Variants in ULK4 observed in about 807,000 individuals in gnomAD.
ULK4 encodes the protein unc-51 like kinase 4.
A neutral mutation model predicts 160.6 loss-of-function variants in ULK4; 133 were observed. The observed-to-expected ratio is 0.83, with a 90% CI of 0.72 to 0.96. The LOEUF is 0.96. ULK4 is among the 40% of genes least tolerant of loss of function. The pLI is 0.00. For missense variants in ULK4, 1,580 were observed against 1,499.5 expected (o/e 1.05, Z -0.89); for synonymous variants, 534 against 539.8 (o/e 0.99, Z 0.15).
At chr3:41,527,220 C>T (rs1434341153) in intron 32 of ULK4, among the ~76,000 whole-genome samples, 2 of 152,246 alleles carry the variant, frequency 1.3e-5, no homozygotes, top group Non-Finnish European at 2.9e-5. Context: ...CTCGTTTCTC[C>T]TTCACACCTC....
chr3:41,487,492 G>C (rs1293435247), intron 32 of ULK4, among the ~76,000 whole-genome samples: 1 of 152,094 alleles, frequency 6.6e-6, no homozygotes, highest in Non-Finnish European at 1.5e-5. Context: ...TCCAATACAG[G>C]AATTAAGAGC....
At chr3:41,647,066 G>A (rs1413584916) in intron 30 of ULK4, among the ~76,000 whole-genome samples, 3 of 152,244 alleles carry the variant, frequency 2.0e-5, no homozygotes, top group South Asian at 4.1e-4. Context: ...GCACTTCTCT[G>A]TATTGGTTAT....
chr3:41,496,419 C>T (rs1002485953), intron 32 of ULK4, among the ~76,000 whole-genome samples: 2 of 152,002 alleles, frequency 1.3e-5, no homozygotes, highest in Non-Finnish European at 2.9e-5. Flanking sequence ...AAAACACATA[C>T]AATGAATGAG....
intron 25 of ULK4, among the ~76,000 whole-genome samples, chr3:41,713,775 C>T (rs754428488): frequency 2.6e-5 from 4 of 152,174 alleles, no homozygotes; most frequent in Non-Finnish European, 4.4e-5. Context: ...TCTCTGAACA[C>T]AGAATTACAA....
intron 21 of ULK4, among the ~76,000 whole-genome samples, chr3:41,773,211 TTCTGGCCAGGGCAATCA>T (rs2039467349): frequency 6.6e-6 from 1 of 152,138 alleles, no homozygotes; most frequent in African/African-American, 2.4e-5. Context: ...GTGTTGGAAG[TTCTGGCCAGGGCAATCA>T]GGCAGGAGAA....
At chr3:41,619,664 G>T (rs1035065348) in intron 30 of ULK4, among the ~76,000 whole-genome samples, 3 of 151,724 alleles carry the variant, frequency 2.0e-5, no homozygotes, top group African/African-American at 7.3e-5. Context: ...GAAAAAAACG[G>T]GAAAGATCTA....
At chr3:41,561,825 T>C (rs577037309) in intron 32 of ULK4, among the ~76,000 whole-genome samples, 11 of 152,196 alleles carry the variant, frequency 7.2e-5, no homozygotes, top group Non-Finnish European at 1.5e-4. Flanking sequence ...CTGGATTCAC[T>C]GATTTTTTGA....
intron 32 of ULK4, among the ~76,000 whole-genome samples, chr3:41,563,236 T>A (rs9873030): frequency 0.016 from 2,451 of 152,290 alleles, 68 homozygotes; most frequent in African/African-American, 0.056. Flanking sequence ...CTGCTGTTAG[T>A]CTTTGGGCTT....
chr3:41,537,365 T>C (rs1400620069), intron 32 of ULK4, among the ~76,000 whole-genome samples: 1 of 152,224 alleles, frequency 6.6e-6, no homozygotes, highest in Non-Finnish European at 1.5e-5. Flanking sequence ...GGTGTAATCC[T>C]CTCAGACTTT....
At chr3:41,483,689 C>A (rs2084406948) in intron 32 of ULK4, among the ~76,000 whole-genome samples, 1 of 152,186 alleles carries the variant, frequency 6.6e-6, no homozygotes, top group African/African-American at 2.4e-5. Context: ...ATCCTAATCC[C>A]TGGACCCTGT....
At chr3:41,831,698 T>C (rs1427776298) in intron 18 of ULK4, among the ~76,000 whole-genome samples, 1 of 151,306 alleles carries the variant, frequency 6.6e-6, no homozygotes, top group Non-Finnish European at 1.5e-5. Flanking sequence ...CTCCCTCCCC[T>C]TGCTCCCCAT....
chr3:41,696,398 G>A (rs2036502504), intron 27 of ULK4, among the ~76,000 whole-genome samples: 1 of 152,200 alleles, frequency 6.6e-6, no homozygotes, highest in Admixed American at 6.5e-5. Context: ...TTGGCTGCCA[G>A]GCAGGGAAGG....
intron 35 of ULK4, among the ~76,000 whole-genome samples, chr3:41,306,308 C>A (rs2079931496): frequency 8.2e-6 from 1 of 122,512 alleles, no homozygotes; most frequent in Non-Finnish European, 1.6e-5. Flanking sequence ...AAGTGAGGAG[C>A]CCCTCTGCCC....
intron 34 of ULK4, among the ~76,000 whole-genome samples, chr3:41,423,873 G>A (rs2082717086): frequency 6.6e-6 from 1 of 152,192 alleles, no homozygotes; most frequent in South Asian, 2.1e-4. Flanking sequence ...GCGACCCACA[G>A]ATCAAGAGAT....
At chr3:41,580,901 G>T (rs1340603463) in intron 31 of ULK4, among the ~76,000 whole-genome samples, 3 of 152,168 alleles carry the variant, frequency 2.0e-5, no homozygotes, top group African/African-American at 4.8e-5. Flanking sequence ...TCCCAGGAAA[G>T]ACCACACAGG....
chr3:41,951,247 A>T (rs1198930921), intron 2 of ULK4, among the ~76,000 whole-genome samples: 2 of 152,000 alleles, frequency 1.3e-5, no homozygotes, highest in African/African-American at 4.8e-5. Context: ...ACATTCAAAT[A>T]CTACCCAAAA....
chr3:41,541,723 C>T lies in ULK4; in HGVS notation c.3226+24302G>A, dbSNP rs375958133. On this transcript the variant is annotated intron_variant, in intron 32 of 36. Transcript: ENST00000301831. ...CCACCTTGAGCAGTGGTTTGTAGTT[C>T]TCCTTGAAGAGGACCTTCACATCCC... Among the ~76,000 whole-genome samples, 167 of 152,228 alleles carry T rather than the reference C, an allele frequency of 1.1e-3. 1 individual carries two copies. The highest frequency in any genetic ancestry group is 3.2e-3 in the African/African-American group (131 of 41,538).
intron 19 of ULK4, among the ~76,000 whole-genome samples, chr3:41,809,754 T>C (rs538443874): frequency 6.6e-6 from 1 of 152,324 alleles, no homozygotes; most frequent in South Asian, 2.1e-4. Flanking sequence ...ATATATGCAG[T>C]GTTTTGCCCT....
intron 32 of ULK4, among the ~76,000 whole-genome samples, chr3:41,466,081 T>C (rs1001414419): frequency 6.6e-6 from 1 of 152,218 alleles, no homozygotes; most frequent in Non-Finnish European, 1.5e-5. Context: ...TATTCATTTG[T>C]ATGCTCAATA....
Sources: gnomAD v4.1 joint callset for allele counts (sites outside exome capture counted in the v4.1 genomes callset) on GRCh38, gnomAD v4.1.1 for gene constraint, MANE v1.5 for transcripts, NCBI Gene and HGNC (gene_info 2026-07-23, HGNC 2026-07-21) for gene names.